Variants in IRS1 observed in about 807,000 individuals in gnomAD.
IRS1 encodes the protein insulin receptor substrate 1.
Under a neutral mutation model 65.6 loss-of-function variants are expected in IRS1, and 34 were observed. The ratio of observed to expected loss-of-function variants is 0.52; its 90% CI spans 0.39 to 0.69. The LOEUF is 0.69. Among genes scored for constraint, IRS1 ranks in the 30% least tolerant of loss-of-function variants. The pLI is 0.00. For synonymous variants in IRS1, 699 were observed against 683.5 expected (o/e 1.02, Z -0.35); for missense variants, 1,641 against 1,720.2 (o/e 0.95, Z 0.81).
chr2:226,780,141 C>G (rs1939353638), intron 1 of IRS1, among the ~76,000 whole-genome samples: 2 of 152,044 alleles, frequency 1.3e-5, no homozygotes, highest in Non-Finnish European at 2.9e-5. Context: ...GCCTGTAATC[C>G]CAGCACTTTG....
At chr2:226,772,035 A>G (rs1939176152) in intron 1 of IRS1, among the ~76,000 whole-genome samples, 1 of 152,232 alleles carries the variant, frequency 6.6e-6, no homozygotes, top group Non-Finnish European at 1.5e-5. Context: ...ACTTCATAAA[A>G]TAAATATCTG....
chr2:226,759,898 G>A (rs1317804265), intron 1 of IRS1, among the ~76,000 whole-genome samples: 4 of 152,182 alleles, frequency 2.6e-5, no homozygotes, highest in African/African-American at 7.2e-5. Context: ...TTATGCGCTG[G>A]GTGCTGTGGC....
chr2:226,773,097 G>A (rs1574653888), intron 1 of IRS1, among the ~76,000 whole-genome samples: 1 of 152,176 alleles, frequency 6.6e-6, no homozygotes, highest in Admixed American at 6.5e-5. Flanking sequence ...GTAGAGGTCT[G>A]TAGCTAATGA....
Position 226,799,749 on chromosome 2 carries a change from C to T in IRS1, c.-1011G>A. 1 of 998,932 alleles carries T rather than the reference C, an allele frequency of 1.0e-6. No individual in the cohort carries two copies. The highest frequency in any genetic ancestry group is 1.2e-6 in the Non-Finnish European group (1 of 830,052). The allele number at this position is 998,932 out of a possible 1,614,324, so 61.9% of individuals were successfully genotyped here. On this transcript the variant is annotated 5_prime_UTR_variant, in exon 1 of 2. Coordinates refer to ENST00000305123, the MANE Select transcript of IRS1 (RefSeq NM_005544.3). This position sits in a 1 kb window ranked among gnomAD's most constrained non-coding sequence, Gnocchi z 6.1. Reference sequence around the variant, plus strand: ...GGCTCTGCGCGCCGGCCCCCTCCGACCGCGCCGCCGTCTCACTCGGAGGAG... The same window carrying T: ...GGCTCTGCGCGCCGGCCCCCTCCGATCGCGCCGCCGTCTCACTCGGAGGAG...
chr2:226,751,306 C>CA (rs1393529154), intron 1 of IRS1, among the ~76,000 whole-genome samples: 1 of 90,236 alleles, frequency 1.1e-5, no homozygotes, highest in Non-Finnish European at 2.0e-5. Flanking sequence ...TTTTTTGAGA[C>CA]AGAGTCTCGC....
chr2:226,736,305 A>C (rs574119624), intron 1 of IRS1, 55 bp from the exon 2 acceptor site: 1 of 152,360 alleles, frequency 6.6e-6, no homozygotes, highest in East Asian at 1.9e-4. Context: ...CTGCACAATC[A>C]CTACTTTAGA....
intron 1 of IRS1, among the ~76,000 whole-genome samples, chr2:226,769,168 AATCACTCT>A (rs1431762132): frequency 6.6e-6 from 1 of 152,234 alleles, no homozygotes; most frequent in Non-Finnish European, 1.5e-5. Flanking sequence ...ACTATCACCG[AATCACTCT>A]GTGACCATAT....
intron 1 of IRS1, among the ~76,000 whole-genome samples, chr2:226,755,071 G>A (rs951287021): frequency 2.6e-5 from 4 of 152,156 alleles, no homozygotes; most frequent in Non-Finnish European, 4.4e-5. Context: ...TAGCTCTCCT[G>A]CCACACTGCA....
At chr2:226,742,852 C>CA (rs1403680386) in intron 1 of IRS1, among the ~76,000 whole-genome samples, 1 of 152,126 alleles carries the variant, frequency 6.6e-6, no homozygotes, top group Non-Finnish European at 1.5e-5. Flanking sequence ...AGAAACTTTT[C>CA]AGGATGGTTA....
chr2:226,799,050 G>A lies in IRS1; in HGVS notation c.-312C>T. 7.4e-7 allele frequency: 1 copy of A among 1,345,426 alleles called. No individual in the cohort carries two copies. The highest frequency in any genetic ancestry group is 9.6e-7 in the Non-Finnish European group (1 of 1,037,818). The allele number at this position is 1,345,426 out of a possible 1,614,324, so 83.3% of individuals were successfully genotyped here. Reference sequence around the variant, plus strand: ...CTCCTCTCAGCCGCCGCCGCCACCAGGAAGGAGCGAAGATGCATCTCTCGT... The same window carrying A: ...CTCCTCTCAGCCGCCGCCGCCACCAAGAAGGAGCGAAGATGCATCTCTCGT... On this transcript the variant is annotated 5_prime_UTR_variant, in exon 1 of 2. Transcript: ENST00000305123. The surrounding 1 kb of genome is among the most constrained non-coding windows in gnomAD (Gnocchi z 6.1).
At chr2:226,785,420 T>C (rs945788307) in intron 1 of IRS1, among the ~76,000 whole-genome samples, 4 of 151,910 alleles carry the variant, frequency 2.6e-5, no homozygotes, top group Non-Finnish European at 5.9e-5. Flanking sequence ...TTGGCCAACA[T>C]GGTGAAACCC....
In IRS1 at chr2:226,735,155, T is replaced by G. The variant is rs2106155651; in HGVS notation, c.*1117A>C. Reference sequence around the variant, plus strand: ...AGGAAATGAAATATATCATAATGTGTGCACAGAAAAAAATGGTGGGAATAG... The same window carrying G: ...AGGAAATGAAATATATCATAATGTGGGCACAGAAAAAAATGGTGGGAATAG... On this transcript the variant is annotated 3_prime_UTR_variant, in exon 2 of 2. Transcript: ENST00000305123. The G allele has an allele frequency of 1.3e-5, 2 of 151,784 alleles. No homozygotes were observed. The highest frequency in any genetic ancestry group is 2.9e-5 in the Non-Finnish European group (2 of 67,968). The allele number at this position is 151,784 out of a possible 1,614,324, so 9.4% of individuals were successfully genotyped here.
intron 1 of IRS1, among the ~76,000 whole-genome samples, chr2:226,774,993 T>C (rs1939240706): frequency 6.6e-6 from 1 of 152,186 alleles, no homozygotes; most frequent in Admixed American, 6.5e-5. Flanking sequence ...CTTGATACTA[T>C]ACTGCATGAT....
At chr2:226,738,993 A>G (rs1222601353) in intron 1 of IRS1, among the ~76,000 whole-genome samples, 1 of 152,188 alleles carries the variant, frequency 6.6e-6, no homozygotes, top group East Asian at 1.9e-4. Flanking sequence ...ACCTGCACGG[A>G]TGCATAAGGA....
chr2:226,765,121 T>C (rs1939006824), intron 1 of IRS1, among the ~76,000 whole-genome samples: 1 of 152,186 alleles, frequency 6.6e-6, no homozygotes, highest in Admixed American at 6.5e-5. Flanking sequence ...TTCATTCATT[T>C]GAGATGGGGT....
At chr2:226,777,308 TAAAA>T (rs1034394593) in intron 1 of IRS1, among the ~76,000 whole-genome samples, 3 of 152,158 alleles carry the variant, frequency 2.0e-5, no homozygotes, top group Non-Finnish European at 4.4e-5. Flanking sequence ...TGTCCTGAAA[TAAAA>T]AAGTGTATTT....
At chr2:226,751,285 T>TC (rs2106162652) in intron 1 of IRS1, among the ~76,000 whole-genome samples, 1 of 139,022 alleles carries the variant, frequency 7.2e-6, no homozygotes, top group East Asian at 2.1e-4. Context: ...TTTTTTTTTT[T>TC]TTTTTTTTTT....
At chr2:226,777,639 C>A (rs1180479572) in intron 1 of IRS1, among the ~76,000 whole-genome samples, 4 of 152,118 alleles carry the variant, frequency 2.6e-5, no homozygotes, top group Non-Finnish European at 1.5e-5. Context: ...TGGGGCGGGT[C>A]TTTCCTGTGC....
intron 1 of IRS1, among the ~76,000 whole-genome samples, chr2:226,760,924 T>C (rs1049058337): frequency 2.6e-5 from 4 of 152,246 alleles, no homozygotes; most frequent in Non-Finnish European, 4.4e-5. Flanking sequence ...CCAGAAGACT[T>C]GGAACCAAAT....
Sources: allele counts gnomAD v4.1 joint callset (sites outside exome capture counted in the v4.1 genomes callset), GRCh38; gene constraint gnomAD v4.1.1; non-coding constraint Gnocchi (gnomAD v3.1); transcripts MANE v1.5; gene names NCBI Gene and HGNC (gene_info 2026-07-23, HGNC 2026-07-21).